VAV3: variants seen among roughly 807,000 people sequenced by gnomAD.
The protein encoded by VAV3 is vav guanine nucleotide exchange factor 3, also known as guanine nucleotide exchange factor VAV3.
In VAV3, 94 loss-of-function variants were observed where a neutral mutation model predicts 131.2. The observed-to-expected ratio is 0.72, with a 90% CI of 0.61 to 0.85. The LOEUF (loss-of-function observed/expected upper bound fraction) is 0.85, where lower values mean the gene tolerates loss of function less well. Among genes scored for constraint, VAV3 ranks in the 40% least tolerant of loss-of-function variants. The probability of loss-of-function intolerance (pLI) is 0.00; values close to 1 mark genes in which losing one functional copy is unlikely to be tolerated. For missense variants in VAV3, 939 were observed against 1,002.7 expected (o/e 0.94, Z 0.86); for synonymous variants, 349 against 342.0 (o/e 1.02, Z -0.22).
intron 20 of VAV3, among the ~76,000 whole-genome samples, chr1:107,625,254 C>CTTTTT (rs11331254): frequency 8.0e-6 from 1 of 124,354 alleles, no homozygotes. Flanking sequence ...GTAATTTAAT[C>CTTTTT]TTTTTTTTTT....
At chr1:107,831,685 A>C (rs1364942585) in intron 2 of VAV3, among the ~76,000 whole-genome samples, 1 of 152,222 alleles carries the variant, frequency 6.6e-6, no homozygotes, top group Non-Finnish European at 1.5e-5. Flanking sequence ...CACAATGAGA[A>C]TGTACACTTG....
intron 2 of VAV3, among the ~76,000 whole-genome samples, chr1:107,817,540 G>A (rs190853726): frequency 6.6e-6 from 1 of 152,334 alleles, no homozygotes; most frequent in East Asian, 1.9e-4. Context: ...ATGAGGAGCA[G>A]AGGAGAGGCA....
At chr1:107,637,323 T>G (rs1168518899) in intron 20 of VAV3, among the ~76,000 whole-genome samples, 1 of 152,260 alleles carries the variant, frequency 6.6e-6, no homozygotes, top group East Asian at 1.9e-4. Flanking sequence ...TTTATAATTT[T>G]TTTTTTTTAA....
chr1:107,615,698 A>T (rs1261338846), intron 21 of VAV3, among the ~76,000 whole-genome samples: 2 of 152,204 alleles, frequency 1.3e-5, no homozygotes, highest in Non-Finnish European at 2.9e-5. Flanking sequence ...TAAACTATGC[A>T]TCTGACAAAG....
chr1:107,881,448 AG>A (rs747887180), intron 1 of VAV3, among the ~76,000 whole-genome samples: 10 of 152,182 alleles, frequency 6.6e-5, no homozygotes, highest in African/African-American at 9.7e-5. Context: ...GTATGTGAAA[AG>A]GAGGCCAGGG....
intron 19 of VAV3, among the ~76,000 whole-genome samples, chr1:107,682,573 T>C (rs758726451): frequency 2.0e-4 from 31 of 152,004 alleles, no homozygotes; most frequent in Non-Finnish European, 3.1e-4. Flanking sequence ...AGGCAATTTC[T>C]AGCCAGAGGC....
At chr1:107,820,278 A>G (rs868489711) in intron 2 of VAV3, among the ~76,000 whole-genome samples, 3 of 152,368 alleles carry the variant, frequency 2.0e-5, no homozygotes, top group Admixed American at 1.3e-4. Context: ...CTATTCGTCC[A>G]TAAAAAAATG....
At chr1:107,578,466 G>A (rs1649808114) in intron 25 of VAV3, among the ~76,000 whole-genome samples, 1 of 152,082 alleles carries the variant, frequency 6.6e-6, no homozygotes, top group African/African-American at 2.4e-5. Context: ...ATTTTAATGA[G>A]CAAATGACAC....
chr1:107,742,089 T>A (rs1570876206), intron 15 of VAV3, among the ~76,000 whole-genome samples: 1 of 152,186 alleles, frequency 6.6e-6, no homozygotes, highest in African/African-American at 2.4e-5. Context: ...AAAAATCTAA[T>A]GCTGCTGGTA....
chr1:107,926,921 G>C (rs993166546), intron 1 of VAV3, among the ~76,000 whole-genome samples: 1 of 152,094 alleles, frequency 6.6e-6, no homozygotes, highest in African/African-American at 2.4e-5. Flanking sequence ...TGGGCTCAGA[G>C]CCAGGGGACT....
intron 17 of VAV3, among the ~76,000 whole-genome samples, chr1:107,692,836 T>G (rs911393010): frequency 1.3e-5 from 2 of 152,196 alleles, no homozygotes; most frequent in Non-Finnish European, 2.9e-5. Context: ...GCATTCTCAC[T>G]AAAGGAAAAG....
chr1:107,906,038 T>TAAAAG (rs1672089426), intron 1 of VAV3, among the ~76,000 whole-genome samples: 1 of 152,178 alleles, frequency 6.6e-6, no homozygotes, highest in South Asian at 2.1e-4. Context: ...GCCTATATTG[T>TAAAAG]AAAAGAAAAA....
At chr1:107,843,380 ATAT>A in intron 2 of VAV3, among the ~76,000 whole-genome samples, 1 of 147,626 alleles carries the variant, frequency 6.8e-6, no homozygotes, top group East Asian at 2.0e-4. Context: ...ATATATATAT[ATAT>A]ATATATAGTT....
At chr1:107,926,664 G>A (rs564052408) in intron 1 of VAV3, among the ~76,000 whole-genome samples, 1 of 152,136 alleles carries the variant, frequency 6.6e-6, no homozygotes, top group East Asian at 1.9e-4. Flanking sequence ...GCGAGGCATT[G>A]CATTTAACTC....
chr1:107,694,334 CA>C (rs550146402), intron 17 of VAV3, among the ~76,000 whole-genome samples: 143 of 152,208 alleles, frequency 9.4e-4, no homozygotes, highest in African/African-American at 3.4e-3. Flanking sequence ...TAGTAAGAGC[CA>C]AGTGAGAACT....
At chr1:107,764,080 A>G (rs1664592737) in intron 9 of VAV3, among the ~76,000 whole-genome samples, 1 of 151,992 alleles carries the variant, frequency 6.6e-6, no homozygotes, top group South Asian at 2.1e-4. Context: ...TTCAGGAAAA[A>G]AAAAAACAAA....
intron 20 of VAV3, among the ~76,000 whole-genome samples, chr1:107,624,503 G>C (rs1012598923): frequency 9.9e-5 from 15 of 151,572 alleles, no homozygotes; most frequent in Non-Finnish European, 2.1e-4. Flanking sequence ...AACCCACGTT[G>C]TTACTCAATA....
chr1:107,736,418 G>A lies in VAV3; in HGVS notation c.1502+12550C>T, dbSNP rs530154871. 2.0e-5 allele frequency among the ~76,000 whole-genome samples: 3 copies of A among 152,296 alleles called. No homozygotes were observed. The South Asian group carries it at 6.2e-4, about 32-fold the overall frequency. ...AATTAGGAAAAGAGGAAATCAAATT[G>A]TCCCTGTTTGCAGATGACACGATTG... is the stretch of plus-strand genomic sequence containing the variant. On this transcript the variant is annotated intron_variant, in intron 15 of 26. Transcript: ENST00000370056.
intron 2 of VAV3, among the ~76,000 whole-genome samples, chr1:107,830,600 C>T (rs1668206054): frequency 6.6e-6 from 1 of 152,130 alleles, no homozygotes; most frequent in Non-Finnish European, 1.5e-5. Flanking sequence ...AACATCCCTC[C>T]AGCCCCTGCC....
Sources: gnomAD v4.1 joint callset for allele counts (sites outside exome capture counted in the v4.1 genomes callset) on GRCh38, gnomAD v4.1.1 for gene constraint, MANE v1.5 for transcripts, NCBI Gene and HGNC (gene_info 2026-07-23, HGNC 2026-07-21) for gene names.